CSMD1: variants seen among roughly 807,000 people sequenced by gnomAD.
CSMD1 encodes the protein CUB and sushi domain-containing protein 1.
CSMD1 carries 213 observed loss-of-function variants against 417.5 expected under a neutral mutation model. The observed-to-expected ratio is 0.51, with a 90% CI of 0.46 to 0.57. The LOEUF is 0.57. CSMD1 is among the 20% of genes least tolerant of loss of function. CSMD1 has a pLI of 0.00. For synonymous variants in CSMD1, 2,862 were observed against 1,736.8 expected, an observed-to-expected ratio of 1.65 and a Z score of -16.11; for missense variants, 6,923 against 4,529.7, an observed-to-expected ratio of 1.53 and a Z score of -15.17.
intron 59 of CSMD1, among the ~76,000 whole-genome samples, chr8:2,964,190 G>C (rs1196476099): frequency 6.6e-6 from 1 of 152,214 alleles, no homozygotes; most frequent in Non-Finnish European, 1.5e-5. Flanking sequence ...CACTACAAAA[G>C]AACAACCGCT....
rs1412655300 is a variant in CSMD1, at chr8:3,603,858, G to C, written c.1097+12852C>G. ...TCCATACTTTCTACTTTTTCTTCTA[G>C]TTGTACATAAATGATCTAGCAAATG... On this transcript the variant is annotated intron_variant, in intron 8 of 69. Transcript: ENST00000635120. Among the ~76,000 whole-genome samples the C allele has an allele frequency of 3.9e-5, 6 of 152,208 alleles. No individual in the cohort carries two copies. The East Asian group carries it at 1.2e-3, about 29-fold the overall frequency.
rs920309902 is a variant in CSMD1 at position 4,870,147 on chromosome 8, A to G, written c.85+124185T>C. Reference sequence around the variant, plus strand: ...AGTTAATCTAATTACATATACTTATAAAATGTTTAAACATCATGGAAATTT... The same window carrying G: ...AGTTAATCTAATTACATATACTTATGAAATGTTTAAACATCATGGAAATTT... On this transcript the variant is annotated intron_variant, in intron 1 of 69. Coordinates refer to ENST00000635120, the MANE Select transcript of CSMD1 (RefSeq NM_033225.6). 2.2e-4 allele frequency among the ~76,000 whole-genome samples: 34 copies of G among 152,160 alleles called. 1 individual carries two copies. Among genetic ancestry groups the G allele is most frequent in the Non-Finnish European group, 1.0e-4 (7 of 68,042 alleles).
chr8:3,043,860 A>T (rs888986395), intron 50 of CSMD1: 1 of 152,450 alleles, frequency 6.6e-6, no homozygotes, highest in African/African-American at 2.4e-5. Flanking sequence ...TTGTTCTCTA[A>T]TTAAATAATG....
rs534311069 is a variant in CSMD1, at chr8:3,446,762, C to T, written c.1561+21950G>A. Reference sequence around the variant, plus strand: ...GCATAGGATGAGGTTATCTAGACTTCGGAATCCTGACGTCGATGAAATGGA... The same window carrying T: ...GCATAGGATGAGGTTATCTAGACTTTGGAATCCTGACGTCGATGAAATGGA... On this transcript the variant is annotated intron_variant, in intron 12 of 69. Coordinates refer to ENST00000635120, the MANE Select transcript of CSMD1 (RefSeq NM_033225.6). 5.3e-5 allele frequency among the ~76,000 whole-genome samples: 8 copies of T among 152,322 alleles called. No individual in the cohort carries two copies. In the East Asian group the frequency reaches 1.2e-3, roughly 22 times the overall value.
At chr8:3,075,397 T>G (rs1813587853) in intron 49 of CSMD1, among the ~76,000 whole-genome samples, 2 of 151,536 alleles carry the variant, frequency 1.3e-5, no homozygotes, top group South Asian at 4.2e-4. Context: ...TTTTCCTGCC[T>G]CAGCCTCCCA....
intron 3 of CSMD1, among the ~76,000 whole-genome samples, chr8:4,329,994 G>A (rs912697590): frequency 2.6e-5 from 4 of 152,060 alleles, no homozygotes; most frequent in Admixed American, 6.6e-5. Context: ...GCAGATGCCA[G>A]CACCATGCTT....
chr8:3,596,170 A>G (rs11996366), intron 8 of CSMD1, among the ~76,000 whole-genome samples: 15,761 of 152,160 alleles, frequency 0.1, 929 homozygotes, highest in East Asian at 0.17. Flanking sequence ...AGGCAGAGAC[A>G]TGGGAGAAGG....
chr8:3,996,864 C>G (rs1227711838), intron 5 of CSMD1, among the ~76,000 whole-genome samples: 1 of 152,166 alleles, frequency 6.6e-6, no homozygotes, highest in African/African-American at 2.4e-5. Flanking sequence ...CAAAGTGCAA[C>G]TCAATTCAAT....
intron 49 of CSMD1, among the ~76,000 whole-genome samples, chr8:3,076,155 GAAA>G (rs1813665249): frequency 6.6e-6 from 1 of 152,190 alleles, no homozygotes; most frequent in Admixed American, 6.5e-5. Context: ...CAGAACAACA[GAAA>G]TGGATTTTCT....
At chr8:3,934,072 G>T (rs903360922) in intron 5 of CSMD1, among the ~76,000 whole-genome samples, 1 of 152,058 alleles carries the variant, frequency 6.6e-6, no homozygotes, top group Non-Finnish European at 1.5e-5. Context: ...TGACACCATG[G>T]CCACTATTTC....
At chr8:2,942,735 T>C (rs889429236) in intron 68 of CSMD1, 131 bp from the exon 69 acceptor site, 1 of 649,336 alleles carries the variant, frequency 1.5e-6, no homozygotes, top group Non-Finnish European at 2.4e-6. Flanking sequence ...GGAAACCAAA[T>C]GATATTCTTT....
At chr8:4,465,054 G>A (rs547049824) in intron 2 of CSMD1, among the ~76,000 whole-genome samples, 5 of 152,200 alleles carry the variant, frequency 3.3e-5, no homozygotes, top group East Asian at 3.9e-4. Flanking sequence ...CAACAAGGCC[G>A]AGCATTTCAG....
At chr8:3,061,985 C>G (rs1812618300) in intron 49 of CSMD1, among the ~76,000 whole-genome samples, 1 of 152,118 alleles carries the variant, frequency 6.6e-6, no homozygotes, top group African/African-American at 2.4e-5. Flanking sequence ...CCTGTGCTGT[C>G]TCTGGGCTAC....
intron 10 of CSMD1, among the ~76,000 whole-genome samples, chr8:3,553,876 A>G (rs769085298): frequency 1.6e-4 from 24 of 152,202 alleles, no homozygotes; most frequent in Non-Finnish European, 3.1e-4. Context: ...ACACGTACAC[A>G]TACATATCCA....
intron 10 of CSMD1, among the ~76,000 whole-genome samples, chr8:3,568,586 T>G (rs1469848368): frequency 6.6e-6 from 1 of 152,120 alleles, no homozygotes; most frequent in East Asian, 1.9e-4. Context: ...ATTTAAAATG[T>G]GTGTGTATAT....
intron 11 of CSMD1, among the ~76,000 whole-genome samples, chr8:3,484,441 A>G (rs1817911664): frequency 6.6e-6 from 1 of 152,214 alleles, no homozygotes; most frequent in Admixed American, 6.5e-5. Context: ...CTAACTCAAA[A>G]GGGATAAGAG....
At chr8:3,919,184 CAAAAAAAAAAA>C (rs71203490) in intron 5 of CSMD1, among the ~76,000 whole-genome samples, 20 of 91,800 alleles carry the variant, frequency 2.2e-4, no homozygotes, top group African/African-American at 7.1e-4. Flanking sequence ...GTGTCATATC[CAAAAAAAAAAA>C]AAAAAAAAAA....
chr8:3,144,596 G>A (rs1434116685), intron 40 of CSMD1, among the ~76,000 whole-genome samples: 4 of 151,984 alleles, frequency 2.6e-5, no homozygotes, highest in South Asian at 2.1e-4. Context: ...TTCTAACATC[G>A]TCTGCTGTAT....
At chr8:4,450,117 C>T (rs1027073908) in intron 2 of CSMD1, among the ~76,000 whole-genome samples, 1 of 152,160 alleles carries the variant, frequency 6.6e-6, no homozygotes. Flanking sequence ...TACACCAGCA[C>T]TTCTTTGTCC....
Sources: gnomAD v4.1 joint callset for allele counts (sites outside exome capture counted in the v4.1 genomes callset) on GRCh38, gnomAD v4.1.1 for gene constraint, MANE v1.5 for transcripts, NCBI Gene and HGNC (gene_info 2026-07-23, HGNC 2026-07-21) for gene names.